Variants in STAG3 observed in about 807,000 individuals in gnomAD.
The protein encoded by STAG3 is cohesin subunit SA-3.
In STAG3, 101 loss-of-function variants were observed where a neutral mutation model predicts 160.7. The ratio of observed to expected loss-of-function variants is 0.63; its 90% confidence interval spans 0.54 to 0.74. STAG3 has a LOEUF of 0.74. Among genes scored for constraint, STAG3 ranks in the 30% least tolerant of loss-of-function variants. The pLI, the probability that STAG3 is intolerant of heterozygous loss-of-function variation, is 0.00. For missense variants in STAG3, 1,188 were observed against 1,517.4 expected, an observed-to-expected ratio of 0.78 and a Z score of 3.61; for synonymous variants, 519 against 585.0, an observed-to-expected ratio of 0.89 and a Z score of 1.63.
chr7:100,199,213 G>C (rs535598441), intron 14 of STAG3, 49 bp from the exon 15 acceptor site: 1 of 1,249,448 alleles, frequency 8.0e-7, no homozygotes, highest in South Asian at 1.2e-5. Flanking sequence ...CACTTCGTAG[G>C]GTATTTTTAA....
chr7:100,197,324 C>T lies in STAG3; in HGVS notation c.1065+45C>T, dbSNP rs778911682. On this transcript the variant is annotated intron_variant, in intron 10 of 33. Transcript: ENST00000615138. ...CCCTTTCCGTTTCCTTCATCTTTTT[C>T]CTGTCCTAGGACATTTCACCTTTTC... 3.7e-6 allele frequency: 6 copies of T among 1,600,632 alleles called. No homozygotes were observed. In the African/African-American group the frequency reaches 5.4e-5, roughly 14 times the overall value.
intron 32 of STAG3, 139 bp from the exon 33 acceptor site, chr7:100,213,596 T>C: frequency 1.3e-6 from 2 of 1,495,250 alleles, no homozygotes; most frequent in Non-Finnish European, 1.8e-6. Context: ...CCACACTGAC[T>C]TCCCTCCCAG....
chr7:100,182,074 C>T lies in STAG3; in HGVS notation c.117-16C>T, dbSNP rs985424358. The T allele has an allele frequency of 1.9e-6, 3 of 1,602,516 alleles. No individual in the cohort carries two copies. The highest frequency in any genetic ancestry group is 2.6e-6 in the Non-Finnish European group (3 of 1,169,792). ...ATAGGGTGGTTATATTTAAAGAGAA[C>T]CATACTTTCTCACAGGAATGGCGAC... is the stretch of plus-strand genomic sequence containing the variant. On this transcript the variant is annotated splice_polypyrimidine_tract_variant and intron_variant, in intron 2 of 33. Transcript: ENST00000615138.
Position 100,211,014 on chromosome 7 carries a change from C to T in STAG3, c.3242C>T (p.Pro1081Leu), listed in dbSNP as rs771366482. ...PSSKRRRVEG[P>L]AKPNREDVSS... ...AATGTATGCATCTGCTTGGCAGGGC[C>T]TGCCAAGCCTAACAGAGAGGACGTC... The change falls in exon 30 of 34, where the codon CCT becomes CTT. Residue 1081 changes from proline (P) to leucine (L), a missense_variant. Physicochemically the swap from Pro to Leu is moderately conservative, Grantham distance 98 (BLOSUM62 -3). Coordinates refer to ENST00000615138, the MANE Select transcript of STAG3 (RefSeq NM_001282717.2). 1.2e-6 allele frequency: 2 copies of T among 1,612,852 alleles called. No homozygotes were observed. The highest frequency in any genetic ancestry group is 2.7e-5 in the African/African-American group (2 of 74,834).
At chr7:100,186,329 G>C in intron 5 of STAG3, 33 bp downstream of exon 5, 1 of 1,550,862 alleles carries the variant, frequency 6.4e-7, no homozygotes, top group Non-Finnish European at 8.9e-7. Flanking sequence ...CTAATTCCCA[G>C]CCTTTTGTTC....
downstream of STAG3, among the ~76,000 whole-genome samples, chr7:100,216,616 T>TGGCCA (rs1265412823): frequency 1.3e-5 from 2 of 152,034 alleles, no homozygotes; most frequent in Non-Finnish European, 2.9e-5. Context: ...CTGGCCAACA[T>TGGCCA]GGTGAAACCC....
chr7:100,188,688 A>G, intron 6 of STAG3, 124 bp from the exon 7 acceptor site: 1 of 1,164,294 alleles, frequency 8.6e-7, no homozygotes, highest in Non-Finnish European at 1.3e-6. Context: ...CAAATTGGGG[A>G]GAATACCAGG....
intron 8 of STAG3, among the ~76,000 whole-genome samples, chr7:100,191,120 C>T (rs1256746537): frequency 2.0e-5 from 3 of 151,922 alleles, no homozygotes; most frequent in African/African-American, 7.3e-5. Flanking sequence ...GCACTATGGA[C>T]GTTGCGGGGC....
chr7:100,199,166 G>C, intron 14 of STAG3, 96 bp from the exon 15 acceptor site: 3 of 964,442 alleles, frequency 3.1e-6, no homozygotes, highest in Non-Finnish European at 5.0e-6. Flanking sequence ...GATGGGAGTG[G>C]ACACTGTAGG....
At chr7:100,210,244 A>C (rs1802058351) in intron 29 of STAG3, among the ~76,000 whole-genome samples, 1 of 152,162 alleles carries the variant, frequency 6.6e-6, no homozygotes, top group South Asian at 2.1e-4. Flanking sequence ...GCTTAAACCC[A>C]TAGGCTGAGC....
Position 100,211,823 on chromosome 7 carries a change from G to A in STAG3, c.3547G>A (p.Glu1183Lys). 6.2e-7 allele frequency: 1 copy of A among 1,614,164 alleles called. No homozygotes were observed. The highest frequency in any genetic ancestry group is 8.5e-7 in the Non-Finnish European group (1 of 1,180,034). Reference sequence around the variant, plus strand: ...CAGCCTTATGGAAGAGGACGAGGAAGAAGAGTTAGAAATCCAGGATGAGTC... The same window carrying A: ...CAGCCTTATGGAAGAGGACGAGGAAAAAGAGTTAGAAATCCAGGATGAGTC... ...RLSLMEEDEE[E>K]ELEIQDESNE... Residue 1183 changes from glutamate to lysine, a missense_variant, in exon 32 of 34, where the codon GAA (glutamate) becomes AAA (lysine). By Grantham distance (56) the Glu-to-Lys change is moderately conservative. Coordinates refer to ENST00000615138, the MANE Select transcript of STAG3 (RefSeq NM_001282717.2).
Position 100,202,011 on chromosome 7 carries a change from C to T in STAG3, c.2364C>T (p.Leu788=). 1 of 1,614,158 alleles carries T rather than the reference C, an allele frequency of 6.2e-7. No homozygotes were observed. The highest frequency in any genetic ancestry group is 8.5e-7 in the Non-Finnish European group (1 of 1,180,042). ...TCTGTGAACTCTGCCAGAGTTGCCT[C>T]TCAGATGTGGATACTGAGATCCAGG... ...VAFCELCQSC[L]SDVDTEIQEQ... Residue 788 remains leucine (L), a synonymous_variant, in exon 23 of 34, where the codon CTC becomes CTT. Transcript: ENST00000615138.
Position 100,182,528 on chromosome 7 carries a change from C to CT in STAG3, c.220-186dup, listed in dbSNP as rs888543000. Among the ~76,000 whole-genome samples, 128 of 150,284 alleles carry CT rather than the reference C, an allele frequency of 8.5e-4. 1 individual carries two copies. Among genetic ancestry groups the CT allele is most frequent in the African/African-American group, 2.7e-3 (111 of 41,026 alleles). On this transcript the variant is annotated intron_variant, in intron 3 of 33. Transcript: ENST00000615138. ...GAGATACAGGAAGGGGACTCAAGGA[C>CT]TTTTTTTTTAAGGGAAAAAAATAAA...
Position 100,207,297 on chromosome 7 carries a change from T to C in STAG3, c.3238+1913T>C, listed in dbSNP as rs1801744699. 6.6e-6 allele frequency among the ~76,000 whole-genome samples: 1 copy of C among 152,218 alleles called. No individual in the cohort carries two copies. Among genetic ancestry groups the C allele is most frequent in the African/African-American group, 2.4e-5 (1 of 41,448 alleles). ...TTAAGTTTTTGAGGAACTACCACACTGTTTTCCAAAGTACCTACACCAGTT... is the reference window on the plus strand; with the variant it reads ...TTAAGTTTTTGAGGAACTACCACACCGTTTTCCAAAGTACCTACACCAGTT... On this transcript the variant is annotated intron_variant, in intron 29 of 33. Coordinates refer to ENST00000615138, the MANE Select transcript of STAG3 (RefSeq NM_001282717.2). This position sits in a 1 kb window ranked among gnomAD's most constrained non-coding sequence, Gnocchi z 4.0.
Position 100,204,047 on chromosome 7 carries a change from C to T in STAG3, c.2727C>T (p.Ile909=). 1 of 1,613,842 alleles carries T rather than the reference C, an allele frequency of 6.2e-7. No homozygotes were observed. The highest frequency in any genetic ancestry group is 8.5e-7 in the Non-Finnish European group (1 of 1,179,794). The part of the protein sequence containing the change: ...NKFYNDYGDI[I]KETLTRARQI... ...TCTACAATGACTATGGTGACATTAT[C>T]AAGGAAACATTAACTAGAGCAAGGC... is the stretch of plus-strand genomic sequence containing the variant. Residue 909 remains isoleucine (I), a synonymous_variant, in exon 26 of 34, where the codon ATC becomes ATT. Transcript: ENST00000615138.
chr7:100,187,672 T>C (rs1014032404), intron 5 of STAG3, among the ~76,000 whole-genome samples: 3 of 152,014 alleles, frequency 2.0e-5, no homozygotes, highest in African/African-American at 7.2e-5. Context: ...CAAGTCGGCT[T>C]AACCTCCTTG....
chr7:100,204,568 C>A, intron 26 of STAG3, 59 bp from the exon 27 acceptor site: 1 of 1,580,554 alleles, frequency 6.3e-7, no homozygotes. Context: ...GAATGCTGGA[C>A]TTCTCTGTTT....
chr7:100,201,140 ACGC>A lies in STAG3; in HGVS notation c.2114_2116del (p.Arg705del). On this transcript the variant is annotated inframe_deletion, in exon 20 of 34. Transcript: ENST00000615138. The stretch of plus-strand genomic sequence containing the variant: ...TATATAATCTGGCAGCCACTCTGAA[ACGC>A]CTCTCTGCCTTCTACAAGTGAGTGG... The A allele has an allele frequency of 6.2e-7, 1 of 1,614,172 alleles. No homozygotes were observed. Among genetic ancestry groups the A allele is most frequent in the Non-Finnish European group, 8.5e-7 (1 of 1,180,028 alleles).
intron 33 of STAG3, 31 bp from the exon 34 acceptor site, chr7:100,213,976 C>T: frequency 6.2e-7 from 1 of 1,614,148 alleles, no homozygotes; most frequent in Non-Finnish European, 8.5e-7. Context: ...TTGCTGTGTC[C>T]TGTGTATTCC....
Sources: allele counts gnomAD v4.1 joint callset (sites outside exome capture counted in the v4.1 genomes callset), GRCh38; gene constraint gnomAD v4.1.1; non-coding constraint Gnocchi (gnomAD v3.1); transcripts MANE v1.5; gene names NCBI Gene and HGNC (gene_info 2026-07-23, HGNC 2026-07-21).